The following IGFL2 variants were observed in gnomAD, a reference collection of about 807,000 sequenced individuals.
IGFL2 encodes IGF like family member 2, also known as insulin growth factor-like family member 2.
IGFL2 carries 7 observed loss-of-function variants against 13.9 expected under a neutral mutation model. The ratio of observed to expected loss-of-function variants is 0.51; its 90% CI spans 0.29 to 0.95. The LOEUF (loss-of-function observed/expected upper bound fraction) is 0.95. Among genes scored for constraint, IGFL2 ranks in the 40% least tolerant of loss-of-function variants. The probability of loss-of-function intolerance (pLI) is 0.08; values close to 1 mark genes in which losing one functional copy is unlikely to be tolerated. For missense variants in IGFL2, 138 were observed against 147.8 expected (o/e 0.93, Z 0.34); for synonymous variants, 55 against 55.8 (o/e 0.99, Z 0.07).
chr19:46,137,347 G>T, the IGFL2 span: 19 of 1,133,768 alleles, frequency 1.7e-5, no homozygotes, highest in Admixed American at 8.5e-5. Context: ...GGCGGGCGTT[G>T]ATGAACCAGT....
At chr19:46,178,581 A>G in the IGFL2 span, among the ~76,000 whole-genome samples, 1 of 152,218 alleles carries the variant, frequency 6.6e-6, no homozygotes, top group East Asian at 1.9e-4. Flanking sequence ...AACATTTATC[A>G]TCTATTCTCT....
At chr19:46,157,856 G>A (rs1453954023) in intron 1 of IGFL2, among the ~76,000 whole-genome samples, 1 of 152,126 alleles carries the variant, frequency 6.6e-6, no homozygotes, top group Non-Finnish European at 1.5e-5. Context: ...TCCTATATTT[G>A]TAGGCCACAC....
At chr19:46,186,469 A>G in the IGFL2 span, among the ~76,000 whole-genome samples, 1 of 152,180 alleles carries the variant, frequency 6.6e-6, no homozygotes, top group Non-Finnish European at 1.5e-5. Flanking sequence ...TGTGGAATAA[A>G]TTCCTTGACC....
chr19:46,162,140 G>A (rs972999600), downstream of IGFL2, among the ~76,000 whole-genome samples: 1 of 152,172 alleles, frequency 6.6e-6, no homozygotes, highest in Non-Finnish European at 1.5e-5. Flanking sequence ...AATCTCTTCT[G>A]GCTTGTGCTG....
chr19:46,085,238 A>G, the IGFL2 span, among the ~76,000 whole-genome samples: 15 of 152,306 alleles, frequency 9.8e-5, no homozygotes, highest in East Asian at 2.7e-3. Flanking sequence ...AAAAAAAGGA[A>G]AACAAAAAAC....
the IGFL2 span, among the ~76,000 whole-genome samples, chr19:46,174,725 C>T: frequency 2.0e-5 from 3 of 152,198 alleles, no homozygotes; most frequent in South Asian, 2.1e-4. Flanking sequence ...AAAAATGCAG[C>T]CCAGTCTCTC....
At chr19:46,178,808 T>C in the IGFL2 span, among the ~76,000 whole-genome samples, 1 of 152,018 alleles carries the variant, frequency 6.6e-6, no homozygotes, top group Admixed American at 6.5e-5. Flanking sequence ...CTTACGTGTA[T>C]TGATTTATGT....
chr19:46,215,337 G>T, the IGFL2 span, among the ~76,000 whole-genome samples: 2 of 151,842 alleles, frequency 1.3e-5, no homozygotes, highest in Non-Finnish European at 2.9e-5. Context: ...TGTAATTTTT[G>T]ATCTAATAAA....
the IGFL2 span, among the ~76,000 whole-genome samples, chr19:46,210,804 A>G: frequency 2.0e-5 from 3 of 152,212 alleles, no homozygotes; most frequent in African/African-American, 7.2e-5. Context: ...ACCCAGGATC[A>G]ATACTTTGCA....
the IGFL2 span, among the ~76,000 whole-genome samples, chr19:46,206,329 C>T: frequency 1.3e-5 from 2 of 152,362 alleles, no homozygotes; most frequent in Middle Eastern, 6.8e-3. Flanking sequence ...CAGCCCTGCC[C>T]TCAGGAATGT....
At chr19:46,174,650 C>T in the IGFL2 span, among the ~76,000 whole-genome samples, 1 of 152,138 alleles carries the variant, frequency 6.6e-6, no homozygotes, top group Non-Finnish European at 1.5e-5. Flanking sequence ...AGACGTTTCC[C>T]CAGTGCTCCT....
At chr19:46,111,532 A>G in the IGFL2 span, 2 of 152,280 alleles carry the variant, frequency 1.3e-5, no homozygotes, top group African/African-American at 4.8e-5. Context: ...CTCTGTGAGC[A>G]TAATGGATAT....
chr19:46,138,498 CAT>C (rs1355883796), upstream of IGFL2, among the ~76,000 whole-genome samples: 2 of 152,216 alleles, frequency 1.3e-5, no homozygotes, highest in Non-Finnish European at 2.9e-5. Context: ...TTCACTCACA[CAT>C]GTGCTGGTGG....
At chr19:46,188,087 A>G in the IGFL2 span, among the ~76,000 whole-genome samples, 1 of 152,198 alleles carries the variant, frequency 6.6e-6, no homozygotes, top group East Asian at 1.9e-4. Flanking sequence ...TAGCATTCCA[A>G]TAATGGAACA....
chr19:46,168,899 A>AGTGT, the IGFL2 span, among the ~76,000 whole-genome samples: 358 of 140,616 alleles, frequency 2.5e-3, 2 homozygotes, highest in Middle Eastern at 3.9e-3. Context: ...CAGTAGATTG[A>AGTGT]GTGTGTGTGT....
rs117813099 is a variant in IGFL2, at chr19:46,160,618, C to T, written c.78C>T (p.Pro26=). The T allele has an allele frequency of 4.6e-4, 735 of 1,614,146 alleles. 6 individuals are homozygous for T. The East Asian group carries it at 0.015, about 34-fold the overall frequency. Reference sequence around the variant, plus strand: ...AATGTCTGTCCATCTGTCCAGCTCCCGCTGGCTCAGAACCATGGCTGTGCC... The same window carrying T: ...AATGTCTGTCCATCTGTCCAGCTCCTGCTGGCTCAGAACCATGGCTGTGCC... ...LLLCPREVIA[P]AGSEPWLCQP... Residue 26 remains proline, a synonymous_variant, in exon 3 of 4, where the codon CCC becomes CCT. Coordinates refer to ENST00000377693, the MANE Select transcript of IGFL2 (RefSeq NM_001135113.2).
the IGFL2 span, among the ~76,000 whole-genome samples, chr19:46,188,090 A>G: frequency 2.0e-5 from 3 of 152,208 alleles, no homozygotes; most frequent in Admixed American, 2.0e-4. Flanking sequence ...CATTCCAATA[A>G]TGGAACACTA....
chr19:46,099,670 G>A, the IGFL2 span, among the ~76,000 whole-genome samples: 1 of 151,860 alleles, frequency 6.6e-6, no homozygotes, highest in African/African-American at 2.4e-5. Context: ...TGGTATTACA[G>A]GCGCCTGCCA....
At chr19:46,146,105 C>T (rs1319164135), upstream of IGFL2, among the ~76,000 whole-genome samples, 1 of 151,706 alleles carries the variant, frequency 6.6e-6, no homozygotes, top group African/African-American at 2.4e-5. Flanking sequence ...CATATCTAGA[C>T]CATTTGGAGT....
Sources: gnomAD v4.1 joint callset for allele counts (sites outside exome capture counted in the v4.1 genomes callset) on GRCh38, gnomAD v4.1.1 for gene constraint, MANE v1.5 for transcripts, NCBI Gene and HGNC (gene_info 2026-07-23, HGNC 2026-07-21) for gene names.